IGSF10: variants seen among roughly 807,000 people sequenced by gnomAD.
IGSF10 encodes the protein immunoglobulin superfamily member 10, also known as calvaria mechanical force protein 608.
A neutral mutation model predicts 128.2 loss-of-function variants in IGSF10; 126 were observed. The ratio of observed to expected loss-of-function variants is 0.98; its 90% CI spans 0.85 to 1.14. The LOEUF (loss-of-function observed/expected upper bound fraction) is 1.14, where lower values mean the gene tolerates loss of function less well. IGSF10 is among the 50% of genes most tolerant of loss of function. IGSF10 has a pLI of 0.00. For synonymous variants in IGSF10, 1,185 were observed against 1,146.2 expected, an observed-to-expected ratio of 1.03 and a Z score of -0.68; for missense variants, 3,295 against 3,149.8, an observed-to-expected ratio of 1.05 and a Z score of -1.10.
At chr3:151,602,016 A>G in the IGSF10 span, among the ~76,000 whole-genome samples, 1 of 151,724 alleles carries the variant, frequency 6.6e-6, no homozygotes, top group Non-Finnish European at 1.5e-5. Flanking sequence ...TCAAGTTAGC[A>G]TCTTAAGATT....
At chr3:151,463,523 G>GGTTTTTTTT (rs1553837068), upstream of IGSF10, among the ~76,000 whole-genome samples, 1 of 31,272 alleles carries the variant, frequency 3.2e-5, no homozygotes, top group Non-Finnish European at 6.5e-5. Context: ...ACATTTTCTG[G>GGTTTTTTTT]TTTTTTTTTT....
downstream of IGSF10, chr3:151,434,067 G>A (rs1372058362): frequency 2.0e-5 from 3 of 152,420 alleles, no homozygotes; most frequent in African/African-American, 4.8e-5. Flanking sequence ...ATAAAATTTT[G>A]AATGTGAAAA....
chr3:151,449,791 G>T (rs1289166963), intron 5 of IGSF10, among the ~76,000 whole-genome samples: 1 of 152,104 alleles, frequency 6.6e-6, no homozygotes, highest in Non-Finnish European at 1.5e-5. Context: ...GAATTACAGG[G>T]TACCTTGACC....
chr3:151,516,202 G>C, the IGSF10 span, among the ~76,000 whole-genome samples: 2 of 151,958 alleles, frequency 1.3e-5, no homozygotes, highest in Non-Finnish European at 2.9e-5. Context: ...TCTTAGAACT[G>C]TACACCCATT....
At chr3:151,513,179 C>T in the IGSF10 span, among the ~76,000 whole-genome samples, 1 of 152,168 alleles carries the variant, frequency 6.6e-6, no homozygotes, top group Admixed American at 6.5e-5. Flanking sequence ...GAATTTTAGA[C>T]CAATATCCTT....
the IGSF10 span, among the ~76,000 whole-genome samples, chr3:151,513,615 G>A: frequency 6.6e-6 from 1 of 152,114 alleles, no homozygotes; most frequent in South Asian, 2.1e-4. Flanking sequence ...TGGAAGTTCT[G>A]GCCAGGGAAA....
the IGSF10 span, among the ~76,000 whole-genome samples, chr3:151,514,678 G>A: frequency 6.6e-6 from 1 of 152,064 alleles, no homozygotes; most frequent in Non-Finnish European, 1.5e-5. Flanking sequence ...GAGTGAACAG[G>A]CAACTTACAA....
At chr3:151,504,038 G>T in the IGSF10 span, among the ~76,000 whole-genome samples, 1 of 152,060 alleles carries the variant, frequency 6.6e-6, no homozygotes, top group African/African-American at 2.4e-5. Flanking sequence ...GGATGTAGTG[G>T]CCTCTGGCTG....
At chr3:151,478,254 C>T in the IGSF10 span, among the ~76,000 whole-genome samples, 4 of 152,238 alleles carry the variant, frequency 2.6e-5, no homozygotes, top group African/African-American at 9.6e-5. Flanking sequence ...TGTGTTAGAG[C>T]TGAACATTAC....
chr3:151,458,121 A>ATG (rs1553835983), intron 3 of IGSF10, among the ~76,000 whole-genome samples: 13 of 151,476 alleles, frequency 8.6e-5, no homozygotes, highest in Non-Finnish European at 1.6e-4. Context: ...ATATATATAT[A>ATG]TATGTATGTA....
At chr3:151,435,624 T>TTAAA (rs1491270111), downstream of IGSF10, 3 of 151,604 alleles carry the variant, frequency 2.0e-5, no homozygotes, top group Admixed American at 6.6e-5. Flanking sequence ...CCTATAATTC[T>TTAAA]TAAGTAAGTA....
rs771834714 is a variant in IGSF10 at position 151,438,271 on chromosome 3, G to T, written c.6290C>A (p.Thr2097Asn). 1 of 1,614,122 alleles carries T rather than the reference G, an allele frequency of 6.2e-7. No homozygotes were observed. Among genetic ancestry groups the T allele is most frequent in the Non-Finnish European group, 8.5e-7 (1 of 1,180,006 alleles). Residue 2097 changes from threonine (T) to asparagine (N), a missense_variant, in exon 8 of 8, where the codon ACC (threonine) becomes AAC (asparagine). Thr to Asn is a moderately conservative substitution (Grantham distance 65, BLOSUM62 0). Coordinates refer to ENST00000282466, the MANE Select transcript of IGSF10 (RefSeq NM_178822.5). ...GTATAAAGTTCCATTGTTGAAAAGG[G>T]TATATCTCCTAGTCCTGTGGCCACT... Reference protein sequence around the residue: ...DDSGHRTRRYTLFNNGTLYFN... With the variant: ...DDSGHRTRRYNLFNNGTLYFN...
At chr3:151,601,962 G>A in the IGSF10 span, among the ~76,000 whole-genome samples, 7 of 152,020 alleles carry the variant, frequency 4.6e-5, no homozygotes, top group Non-Finnish European at 8.8e-5. Context: ...TGGGAAATCT[G>A]AGATGTCAAA....
At chr3:151,513,915 G>A in the IGSF10 span, among the ~76,000 whole-genome samples, 1 of 152,144 alleles carries the variant, frequency 6.6e-6, no homozygotes, top group Non-Finnish European at 1.5e-5. Flanking sequence ...AACTTACAAG[G>A]AATGTGAAGG....
At chr3:151,452,843 A>T (rs1248645693) in intron 5 of IGSF10, among the ~76,000 whole-genome samples, 2 of 151,986 alleles carry the variant, frequency 1.3e-5, no homozygotes, top group Non-Finnish European at 2.9e-5. Flanking sequence ...AAGCAGCCAG[A>T]CTTCTCAGAA....
the IGSF10 span, among the ~76,000 whole-genome samples, chr3:151,496,189 A>T: frequency 7.0e-6 from 1 of 143,650 alleles, no homozygotes; most frequent in South Asian, 2.4e-4. Context: ...CTTTTGTCAG[A>T]AGCTCTGAAG....
chr3:151,579,699 A>G, the IGSF10 span, among the ~76,000 whole-genome samples: 1 of 151,992 alleles, frequency 6.6e-6, no homozygotes, highest in African/African-American at 2.4e-5. Flanking sequence ...AAGAGAGAGA[A>G]TGGAGAGAAC....
At chr3:151,613,139 T>A in the IGSF10 span, among the ~76,000 whole-genome samples, 1 of 152,202 alleles carries the variant, frequency 6.6e-6, no homozygotes, top group Admixed American at 6.5e-5. Context: ...ACAAGGGATG[T>A]GAAGGACCTC....
the IGSF10 span, among the ~76,000 whole-genome samples, chr3:151,579,656 A>G: frequency 1.3e-5 from 2 of 152,062 alleles, no homozygotes; most frequent in African/African-American, 4.8e-5. Flanking sequence ...CATATGGTCT[A>G]ATATATGAGC....
Sources: gnomAD v4.1 joint callset for allele counts (sites outside exome capture counted in the v4.1 genomes callset) on GRCh38, gnomAD v4.1.1 for gene constraint, MANE v1.5 for transcripts, NCBI Gene and HGNC (gene_info 2026-07-23, HGNC 2026-07-21) for gene names.